Variants in HPSE2 observed in about 807,000 individuals in gnomAD.
HPSE2 encodes inactive heparanase-2.
In HPSE2, 38 loss-of-function variants were observed where a neutral mutation model predicts 60.5. That is an observed-to-expected ratio of 0.63 (90% CI 0.48 to 0.82). The LOEUF (loss-of-function observed/expected upper bound fraction) is 0.82, where lower values mean the gene tolerates loss of function less well. HPSE2 is among the 40% of genes least tolerant of loss of function. The pLI, the probability that HPSE2 is intolerant of heterozygous loss-of-function variation, is 0.00. For synonymous variants in HPSE2, 295 were observed against 293.2 expected (o/e 1.01, Z -0.06); for missense variants, 713 against 740.4 (o/e 0.96, Z 0.43).
intron 3 of HPSE2, among the ~76,000 whole-genome samples, chr10:98,769,617 A>C (rs1178939622): frequency 6.6e-6 from 1 of 152,174 alleles, no homozygotes; most frequent in Non-Finnish European, 1.5e-5. Context: ...ATGACTATGT[A>C]GAGATATGGG....
chr10:99,186,094 G>T (rs1177345426), intron 2 of HPSE2, among the ~76,000 whole-genome samples: 2 of 51,498 alleles, frequency 3.9e-5, no homozygotes, highest in Non-Finnish European at 4.8e-5. Context: ...ACACTAAGCA[G>T]GATAAATAAC....
intron 3 of HPSE2, among the ~76,000 whole-genome samples, chr10:99,123,229 A>G (rs1845028688): frequency 6.6e-6 from 1 of 152,214 alleles, no homozygotes; most frequent in Non-Finnish European, 1.5e-5. Flanking sequence ...TAACATTTCT[A>G]TTCACAAAGA....
chr10:98,983,143 A>T (rs1356707616), intron 3 of HPSE2, among the ~76,000 whole-genome samples: 1 of 152,124 alleles, frequency 6.6e-6, no homozygotes, highest in Non-Finnish European at 1.5e-5. Flanking sequence ...AAGGCAGGGG[A>T]TGGTTGCGGC....
At chr10:98,984,851 C>T (rs982345086) in intron 3 of HPSE2, among the ~76,000 whole-genome samples, 4 of 152,090 alleles carry the variant, frequency 2.6e-5, no homozygotes, top group African/African-American at 4.8e-5. Flanking sequence ...AATGCACAAG[C>T]GTCAGTAGCC....
chr10:99,149,488 T>G (rs1370816995), intron 2 of HPSE2, among the ~76,000 whole-genome samples: 1 of 152,222 alleles, frequency 6.6e-6, no homozygotes, highest in Admixed American at 6.5e-5. Context: ...GACAAACCAC[T>G]AAATCTCTCA....
At chr10:99,080,362 T>C (rs1393929328) in intron 3 of HPSE2, among the ~76,000 whole-genome samples, 2 of 152,098 alleles carry the variant, frequency 1.3e-5, no homozygotes, top group South Asian at 2.1e-4. Context: ...GTAAACAATA[T>C]AAACAAGGCT....
intron 2 of HPSE2, among the ~76,000 whole-genome samples, chr10:99,216,051 A>T (rs1186584904): frequency 1.3e-5 from 2 of 152,226 alleles, no homozygotes; most frequent in African/African-American, 2.4e-5. Flanking sequence ...CCAGAAGAAA[A>T]TACGTTTAAT....
At chr10:99,271,802 A>G in the HPSE2 span, among the ~76,000 whole-genome samples, 1 of 152,230 alleles carries the variant, frequency 6.6e-6, no homozygotes, top group Non-Finnish European at 1.5e-5. Context: ...ACAGGGACAC[A>G]GACCAATGGA....
At chr10:98,498,046 G>A (rs918830964) in intron 9 of HPSE2, among the ~76,000 whole-genome samples, 2 of 152,180 alleles carry the variant, frequency 1.3e-5, no homozygotes, top group African/African-American at 4.8e-5. Flanking sequence ...TAGCCTCTGA[G>A]AACTTTCTTT....
chr10:99,127,586 G>A (rs1184635320), intron 3 of HPSE2, among the ~76,000 whole-genome samples: 4 of 152,184 alleles, frequency 2.6e-5, no homozygotes, highest in Non-Finnish European at 4.4e-5. Flanking sequence ...GGACTAATTG[G>A]AGAAAACTTC....
At chr10:99,289,067 T>C in the HPSE2 span, among the ~76,000 whole-genome samples, 1 of 152,150 alleles carries the variant, frequency 6.6e-6, no homozygotes, top group African/African-American at 2.4e-5. Flanking sequence ...CATGGTAACA[T>C]TCTGCGTCCC....
chr10:98,769,543 C>G (rs1222626971), intron 3 of HPSE2, among the ~76,000 whole-genome samples: 2 of 152,130 alleles, frequency 1.3e-5, no homozygotes, highest in Non-Finnish European at 2.9e-5. Context: ...CATTTTGGCT[C>G]TAGGACAGAC....
At chr10:98,776,993 A>G (rs1287587697) in intron 3 of HPSE2, among the ~76,000 whole-genome samples, 1 of 152,220 alleles carries the variant, frequency 6.6e-6, no homozygotes, top group Non-Finnish European at 1.5e-5. Flanking sequence ...GGTAAAATGT[A>G]AACAATTGAT....
Position 98,461,007 on chromosome 10 carries a change from T to C in HPSE2, c.1614-1268A>G, listed in dbSNP as rs185810448. On this transcript the variant is annotated intron_variant, in intron 11 of 11. Transcript: ENST00000370552. ...TCAGAAAATCAACATTGCATAGTGA[T>C]GACTGTTTCTGGGCCTTGCCCAACC... 2.6e-3 allele frequency among the ~76,000 whole-genome samples: 389 copies of C among 152,378 alleles called. 2 individuals are homozygous for C. The highest frequency in any genetic ancestry group is 9.0e-3 in the African/African-American group (373 of 41,598).
intron 6 of HPSE2, among the ~76,000 whole-genome samples, chr10:98,666,489 C>T (rs1193570821): frequency 6.6e-6 from 1 of 152,152 alleles, no homozygotes; most frequent in Admixed American, 6.5e-5. Flanking sequence ...ACATTTTTCT[C>T]ATCTGCTCAT....
At chr10:98,870,790 A>G (rs1289273598) in intron 3 of HPSE2, among the ~76,000 whole-genome samples, 1 of 152,000 alleles carries the variant, frequency 6.6e-6, no homozygotes, top group African/African-American at 2.4e-5. Flanking sequence ...CCAAATCACA[A>G]TTCCCAATGT....
chr10:99,180,733 C>T (rs1187332368), intron 2 of HPSE2, among the ~76,000 whole-genome samples: 1 of 150,906 alleles, frequency 6.6e-6, no homozygotes, highest in Non-Finnish European at 1.5e-5. Context: ...AAAATACACA[C>T]AAAAAAATTA....
chr10:99,110,620 A>G (rs1480809017), intron 3 of HPSE2, among the ~76,000 whole-genome samples: 1 of 152,194 alleles, frequency 6.6e-6, no homozygotes, highest in African/African-American at 2.4e-5. Context: ...GATAAAATAA[A>G]TATTATACTT....
At chr10:98,814,860 C>T (rs370419609) in intron 3 of HPSE2, among the ~76,000 whole-genome samples, 7 of 152,190 alleles carry the variant, frequency 4.6e-5, no homozygotes, top group Middle Eastern at 3.2e-3. Flanking sequence ...TTTGTTATTA[C>T]GTTATACATT....
Sources: allele counts gnomAD v4.1 joint callset (sites outside exome capture counted in the v4.1 genomes callset), GRCh38; gene constraint gnomAD v4.1.1; transcripts MANE v1.5; gene names NCBI Gene and HGNC (gene_info 2026-07-23, HGNC 2026-07-21).